Variants in ST18 observed in about 807,000 individuals in gnomAD.
ST18 encodes the protein ST18 C2H2C-type zinc finger transcription factor.
A neutral mutation model predicts 110.0 loss-of-function variants in ST18; 50 were observed. The ratio of observed to expected loss-of-function variants is 0.45; its 90% CI spans 0.36 to 0.58. The LOEUF (loss-of-function observed/expected upper bound fraction) is 0.58. ST18 is among the 20% of genes least tolerant of loss of function. The pLI is 0.00. For missense variants in ST18, 1,306 were observed against 1,280.1 expected (o/e 1.02, Z -0.31); for synonymous variants, 461 against 452.4 (o/e 1.02, Z -0.24).
Position 52,133,336 on chromosome 8 carries a change from G to T in ST18, c.2301-35C>A, listed in dbSNP as rs757498870. On this transcript the variant is annotated intron_variant, in intron 19 of 25. Transcript: ENST00000689386. ...ACAGGAAGAGAGCATGGGCTGAGAA[G>T]TTGTAGTTGGGGGAGTGGGGGTCAC... is the stretch of plus-strand genomic sequence containing the variant. 22 of 1,613,448 alleles carry T rather than the reference G, an allele frequency of 1.4e-5. No individual in the cohort carries two copies. In the South Asian group the frequency reaches 1.6e-4, roughly 12 times the overall value.
intron 2 of ST18, chr8:52,406,041 T>C (rs1323516680): frequency 2.0e-5 from 3 of 152,208 alleles, no homozygotes; most frequent in African/African-American, 7.2e-5. Flanking sequence ...TTGCAGGCTG[T>C]CCATATTATA....
At chr8:52,250,737 A>G (rs771549254) in intron 2 of ST18, among the ~76,000 whole-genome samples, 3 of 152,010 alleles carry the variant, frequency 2.0e-5, no homozygotes, top group Non-Finnish European at 2.9e-5. Flanking sequence ...TATCTTTATC[A>G]TAGATCAATT....
At chr8:52,181,635 C>T (rs1012404787) in intron 8 of ST18, among the ~76,000 whole-genome samples, 6 of 152,020 alleles carry the variant, frequency 3.9e-5, no homozygotes, top group African/African-American at 1.4e-4. Flanking sequence ...CTCTGATGAA[C>T]CTAAATGTAA....
chr8:52,315,944 A>T (rs1043226540), intron 2 of ST18, among the ~76,000 whole-genome samples: 13 of 152,218 alleles, frequency 8.5e-5, no homozygotes, highest in African/African-American at 3.1e-4. Flanking sequence ...TTACCCTGAA[A>T]CATAATCACT....
At chr8:52,359,797 C>T (rs1015175538) in intron 2 of ST18, among the ~76,000 whole-genome samples, 4 of 152,080 alleles carry the variant, frequency 2.6e-5, no homozygotes, top group African/African-American at 7.2e-5. Context: ...TGCTGAGATT[C>T]CTAAGTACTC....
intron 2 of ST18, among the ~76,000 whole-genome samples, chr8:52,328,304 C>T (rs900542897): frequency 2.6e-5 from 4 of 152,174 alleles, no homozygotes; most frequent in African/African-American, 9.6e-5. Context: ...CCATAACTTG[C>T]TATATGTAAA....
At chr8:52,130,155 G>GAAAGAAAGAAAGAAAT (rs2048941999) in intron 22 of ST18, among the ~76,000 whole-genome samples, 1 of 149,414 alleles carries the variant, frequency 6.7e-6, no homozygotes, top group Non-Finnish European at 1.5e-5. Context: ...AAGAAAGAAA[G>GAAAGAAAGAAAGAAAT]AAAGAAAGAA....
chr8:52,258,715 T>C (rs2094595989), intron 2 of ST18, among the ~76,000 whole-genome samples: 1 of 152,148 alleles, frequency 6.6e-6, no homozygotes, highest in Non-Finnish European at 1.5e-5. Context: ...CCAGATGACT[T>C]ATATTTCTTT....
Position 52,180,323 on chromosome 8 carries a change from T to G in ST18, c.87-11A>C, listed in dbSNP as rs746088845. On this transcript the variant is annotated splice_polypyrimidine_tract_variant and intron_variant, in intron 8 of 25. Transcript: ENST00000689386. ...CAATCATAGGCAACACTGTAGTGAT[T>G]GAGGAAAATTAAGAATATGGTAAAT... is the stretch of plus-strand genomic sequence containing the variant. The G allele has an allele frequency of 3.7e-6, 6 of 1,613,054 alleles. No individual in the cohort carries two copies. In the African/African-American group the frequency reaches 8.0e-5, roughly 22 times the overall value.
intron 8 of ST18, among the ~76,000 whole-genome samples, chr8:52,180,817 A>G (rs1247756389): frequency 6.6e-6 from 1 of 152,236 alleles, no homozygotes; most frequent in Non-Finnish European, 1.5e-5. Flanking sequence ...AGTACAGAGC[A>G]AGGGGGCTAG....
chr8:52,336,849 G>A (rs1196029764), intron 2 of ST18, among the ~76,000 whole-genome samples: 4 of 152,236 alleles, frequency 2.6e-5, no homozygotes, highest in Non-Finnish European at 5.9e-5. Context: ...CCAGCGTGGT[G>A]TACGCAGGTG....
chr8:52,172,664 A>T, intron 9 of ST18, 81 bp from the exon 10 acceptor site: 2 of 1,108,306 alleles, frequency 1.8e-6, no homozygotes, highest in Non-Finnish European at 2.5e-6. Context: ...TATGTATATA[A>T]ACATATGCAT....
rs187298927 is a variant in ST18, at chr8:52,178,205, C to T, written c.277+1917G>A. Among the ~76,000 whole-genome samples the T allele has an allele frequency of 1.1e-3, 162 of 152,256 alleles. 1 individual carries two copies. Among genetic ancestry groups the T allele is most frequent in the South Asian group, 4.8e-3 (23 of 4,818 alleles). Reference sequence around the variant, plus strand: ...ACTTAAAAGAATGTGCTGATGCAAACGCACACACATTTTCTTAAACACTTG... The same window carrying T: ...ACTTAAAAGAATGTGCTGATGCAAATGCACACACATTTTCTTAAACACTTG... On this transcript the variant is annotated intron_variant, in intron 9 of 25. Transcript: ENST00000689386.
chr8:52,135,568 CAAAAAAAAAAAAA>C (rs71252929), intron 19 of ST18, among the ~76,000 whole-genome samples: 2 of 56,166 alleles, frequency 3.6e-5, no homozygotes, highest in Non-Finnish European at 7.4e-5. Context: ...AACTCCATCT[CAAAAAAAAAAAAA>C]AAAAAAAAAA....
intron 2 of ST18, among the ~76,000 whole-genome samples, chr8:52,295,016 G>A (rs2095610557): frequency 6.6e-6 from 1 of 152,186 alleles, no homozygotes; most frequent in Admixed American, 6.5e-5. Flanking sequence ...GAAAATAAAA[G>A]GAGATGGATA....
intron 3 of ST18, among the ~76,000 whole-genome samples, chr8:52,229,526 A>T (rs951562677): frequency 6.6e-6 from 1 of 152,152 alleles, no homozygotes; most frequent in Non-Finnish European, 1.5e-5. Context: ...CAACACCAGC[A>T]ATGGCGGGTA....
intron 2 of ST18, among the ~76,000 whole-genome samples, chr8:52,281,679 T>C (rs2095379904): frequency 6.6e-6 from 1 of 152,166 alleles, no homozygotes. Context: ...ACATCCTGAA[T>C]GTGGCACATG....
At chr8:52,158,066 A>G (rs1453495837) in intron 15 of ST18, among the ~76,000 whole-genome samples, 1 of 152,282 alleles carries the variant, frequency 6.6e-6, no homozygotes, top group Non-Finnish European at 1.5e-5. Context: ...TTCCTGCTCC[A>G]GCTGACAGCA....
At chr8:52,351,787 G>A (rs1820440195) in intron 2 of ST18, among the ~76,000 whole-genome samples, 1 of 152,120 alleles carries the variant, frequency 6.6e-6, no homozygotes. Flanking sequence ...GATTTATTTT[G>A]AGGACAAATG....
Sources: allele counts gnomAD v4.1 joint callset (sites outside exome capture counted in the v4.1 genomes callset), GRCh38; gene constraint gnomAD v4.1.1; transcripts MANE v1.5; gene names NCBI Gene and HGNC (gene_info 2026-07-23, HGNC 2026-07-21).